Variants in CAND1 observed in about 807,000 individuals in gnomAD.
CAND1 encodes the protein cullin-associated NEDD8-dissociated protein 1.
In CAND1, 7 loss-of-function variants were observed where a neutral mutation model predicts 108.5. The observed-to-expected ratio is 0.06, with a 90% CI of 0.04 to 0.12. The LOEUF is 0.12. CAND1 is among the 10% of genes least tolerant of loss of function. The pLI is 1.00. For synonymous variants in CAND1, 534 were observed against 512.0 expected (o/e 1.04, Z -0.58); for missense variants, 941 against 1,448.7 (o/e 0.65, Z 5.69).
In CAND1 at chr12:67,309,955, T is replaced by C; in HGVS notation, c.3080T>C (p.Leu1027Ser). 4 of 1,612,786 alleles carry C rather than the reference T, an allele frequency of 2.5e-6. No homozygotes were observed. Among genetic ancestry groups the C allele is most frequent in the Non-Finnish European group, 2.5e-6 (3 of 1,179,102 alleles). Residue 1027 changes from leucine to serine, a missense_variant, in exon 12 of 15, where the codon TTG becomes TCG. By Grantham distance (145) the Leu-to-Ser change is moderately radical (BLOSUM62 -2). Transcript: ENST00000545606. ...DPDLNVRRVA[L>S]VTFNSAAHNK... ...GATTTGAATGTGAGAAGAGTAGCCTTGGTCACATTTAATTCAGCAGCACAT... is the reference window on the plus strand; with the variant it reads ...GATTTGAATGTGAGAAGAGTAGCCTCGGTCACATTTAATTCAGCAGCACAT...
intron 6 of CAND1, 62 bp from the exon 7 acceptor site, chr12:67,298,888 G>A (rs1019961087): frequency 1.1e-6 from 1 of 947,464 alleles, no homozygotes. Flanking sequence ...GCAAAATGTG[G>A]CAGGTAATGA....
Position 67,302,444 on chromosome 12 carries a change from C to G in CAND1, c.1122C>G (p.Thr374=). ...RHEMLPEFYK[T]VSPALISRFK... is the part of the protein sequence containing the mutation. ...AAATGCTTCCAGAATTCTACAAGAC[C>G]GTCTCTCCTGCACTAATATCCAGAT... Residue 374 remains threonine, a synonymous_variant, in exon 8 of 15, where the codon ACC becomes ACG. Coordinates refer to ENST00000545606, the MANE Select transcript of CAND1 (RefSeq NM_018448.5). 6.2e-7 allele frequency: 1 copy of G among 1,614,002 alleles called. No homozygotes were observed. The highest frequency in any genetic ancestry group is 8.5e-7 in the Non-Finnish European group (1 of 1,179,942).
chr12:67,292,531 C>A, intron 2 of CAND1, 91 bp from the exon 3 acceptor site: 3 of 832,752 alleles, frequency 3.6e-6, no homozygotes, highest in Non-Finnish European at 5.5e-6. Context: ...CTTGAAAGTT[C>A]TAGGCGGAAA....
intron 1 of CAND1, among the ~76,000 whole-genome samples, chr12:67,277,996 A>G (rs776875408): frequency 7.2e-5 from 11 of 152,164 alleles, no homozygotes; most frequent in Non-Finnish European, 1.6e-4. Flanking sequence ...TTTATTCCCC[A>G]TCTGTAACCC....
In CAND1 at chr12:67,294,945, GTTGTT is replaced by G; in HGVS notation, c.368-87_368-83del. The G allele has an allele frequency of 2.2e-6, 3 of 1,379,200 alleles. No individual in the cohort carries two copies. In the South Asian group the frequency reaches 3.9e-5, roughly 18 times the overall value. 85.4% of individuals were successfully genotyped at this position (1,379,200 alleles called of 1,614,324 possible). A position where few individuals can be genotyped will look rare whatever the true frequency, so the allele number is the denominator to read the frequency against. ...GTTGTGTCTCATGATCAAGTGTGGA[GTTGTT>G]AAATATTTGGTAACTACCATGAATA... On this transcript the variant is annotated intron_variant, in intron 3 of 14. Coordinates refer to ENST00000545606, the MANE Select transcript of CAND1 (RefSeq NM_018448.5).
chr12:67,301,997 A>T (rs927839930), intron 7 of CAND1, among the ~76,000 whole-genome samples: 4 of 152,218 alleles, frequency 2.6e-5, no homozygotes, highest in African/African-American at 9.7e-5. Context: ...GACTATAAAT[A>T]TTTATATTCT....
chr12:67,274,231 C>G (rs114686631), intron 1 of CAND1, among the ~76,000 whole-genome samples: 2,437 of 152,194 alleles, frequency 0.016, 54 homozygotes, highest in African/African-American at 0.056. Flanking sequence ...GCTTACTTTC[C>G]CTAAATCTAC....
chr12:67,307,474 C>G lies in CAND1; in HGVS notation c.3007C>G (p.Leu1003Val). Residue 1003 changes from leucine (L) to valine (V), a missense_variant, in exon 11 of 15, where the codon CTG (leucine) becomes GTG (valine). This residue lies in a region of CAND1 where 106 missense variants were observed against 182.0 expected (regional missense o/e 0.58). Transcript: ENST00000545606. ...TGACCATCCACAACCTATTGATCCA[C>G]TGTTAAAGAACTGCATAGGTAAGTG... ...ISDHPQPIDPLLKNCIGDFLK... is the reference protein window; with the variant it reads ...ISDHPQPIDPVLKNCIGDFLK... 1 of 1,607,990 alleles carries G rather than the reference C, an allele frequency of 6.2e-7. No individual in the cohort carries two copies. The highest frequency in any genetic ancestry group is 8.5e-7 in the Non-Finnish European group (1 of 1,176,110).
intron 7 of CAND1, 127 bp downstream of exon 7, chr12:67,299,222 T>C (rs981874425): frequency 1.1e-6 from 1 of 913,710 alleles, no homozygotes; most frequent in Admixed American, 3.4e-5. Flanking sequence ...ATGATCTCAA[T>C]ATTTGACAAC....
At position 67,297,813 on chromosome 12, in the gene CAND1, A is replaced by C. The variant is rs189782643; in HGVS notation, c.814A>C (p.Arg272=). The change falls in exon 6 of 15, where the codon AGA becomes CGA. Residue 272 remains arginine, a synonymous_variant. Coordinates refer to ENST00000545606, the MANE Select transcript of CAND1 (RefSeq NM_018448.5). The part of the protein sequence containing the change: ...KFCNVDDDEL[R]EYCIQAFESF... ...TTGCAATGTAGATGATGATGAATTA[A>C]GAGAGTACTGTATTCAAGCCTTTGA... 2.4e-5 allele frequency: 39 copies of C among 1,606,420 alleles called. No homozygotes were observed. The Admixed American group carries it at 5.5e-4, about 23-fold the overall frequency.
intron 4 of CAND1, among the ~76,000 whole-genome samples, chr12:67,296,847 G>C (rs2044774498): frequency 6.6e-6 from 1 of 152,116 alleles, no homozygotes; most frequent in Non-Finnish European, 1.5e-5. Context: ...GCCCAGGCTG[G>C]AGTGCATTGG....
rs2044798116 is a variant in CAND1, at chr12:67,299,091, T to A, written c.996T>A (p.Asp332Glu). 2.6e-6 allele frequency: 4 copies of A among 1,533,798 alleles called. No individual in the cohort carries two copies. Among genetic ancestry groups the A allele is most frequent in the Non-Finnish European group, 3.5e-6 (4 of 1,129,358 alleles). Reference sequence around the variant, plus strand: ...ATGCTGATGGTGGTGATGATGATGATCAAGGTATTGCAAATTAAATAGAAT... The same window carrying A: ...ATGCTGATGGTGGTGATGATGATGAACAAGGTATTGCAAATTAAATAGAAT... Reference protein sequence around the residue: ...AMDADGGDDDDQGSDDEYSDD... With the variant: ...AMDADGGDDDEQGSDDEYSDD... The change falls in exon 7 of 15, where the codon GAT becomes GAA. Residue 332 changes from aspartate (D) to glutamate (E), a missense_variant. By Grantham distance (45) the Asp-to-Glu change is conservative. Around this residue, in one of 9 missense-constraint regions of CAND1, gnomAD observed 697 missense variants for 942.0 expected, o/e 0.74. Coordinates refer to ENST00000545606, the MANE Select transcript of CAND1 (RefSeq NM_018448.5).
chr12:67,305,809 G>A lies in CAND1; in HGVS notation c.2141G>A (p.Ser714Asn), dbSNP rs150595099. ...ATGCATGTTTCACAAATGGCCATCA[G>A]TTTTCTTACCACTTTGGCAAAAGTA... ...SDMHVSQMAI[S>N]FLTTLAKVYP... is the part of the protein sequence containing the mutation. Residue 714 changes from serine to asparagine, a missense_variant, in exon 10 of 15, where the codon AGT (serine) becomes AAT (asparagine). This residue lies in a region of CAND1 where 697 missense variants were observed against 942.0 expected (regional missense o/e 0.74). Transcript: ENST00000545606. The surrounding 1 kb of genome is among the most constrained non-coding windows in gnomAD (Gnocchi z 4.4). 1,705 of 1,614,184 alleles carry A rather than the reference G, an allele frequency of 1.1e-3. 3 individuals carry two copies. Among genetic ancestry groups the A allele is most frequent in the Non-Finnish European group, 1.4e-3 (1,630 of 1,180,032 alleles).
intron 1 of CAND1, among the ~76,000 whole-genome samples, chr12:67,274,572 CTTGT>C (rs759084631): frequency 3.0e-4 from 45 of 152,270 alleles, no homozygotes; most frequent in Middle Eastern, 3.4e-3. Context: ...TCAGTAGGTG[CTTGT>C]TTAAGTAGAA....
intron 1 of CAND1, 43 bp from the exon 2 acceptor site, chr12:67,281,867 T>C (rs772396781): frequency 7.3e-7 from 1 of 1,372,856 alleles, no homozygotes; most frequent in Admixed American, 2.4e-5. Flanking sequence ...TTTAAATTAA[T>C]GCTTTAAAAT....
At chr12:67,292,821 G>A in intron 3 of CAND1, 45 bp downstream of exon 3, 1 of 1,591,066 alleles carries the variant, frequency 6.3e-7, no homozygotes, top group Non-Finnish European at 8.6e-7. Context: ...TTGTGTGGAG[G>A]TATTTCTCCC....
chr12:67,274,711 A>C (rs1215279445), intron 1 of CAND1, among the ~76,000 whole-genome samples: 1 of 152,242 alleles, frequency 6.6e-6, no homozygotes, highest in East Asian at 1.9e-4. Context: ...CCCATTTTGG[A>C]ATGCAAGTTT....
intron 2 of CAND1, among the ~76,000 whole-genome samples, chr12:67,288,141 T>TC (rs2044689851): frequency 6.6e-6 from 1 of 150,910 alleles, no homozygotes; most frequent in African/African-American, 2.4e-5. Context: ...TCTGAATTTT[T>TC]TTTTTTTTTT....
At chr12:67,298,678 C>T (rs1039809559) in intron 6 of CAND1, among the ~76,000 whole-genome samples, 2 of 152,006 alleles carry the variant, frequency 1.3e-5, no homozygotes, top group African/African-American at 2.4e-5. Context: ...GATTATATAC[C>T]GATTTCTGTC....
Sources: allele counts gnomAD v4.1 joint callset (sites outside exome capture counted in the v4.1 genomes callset), GRCh38; gene constraint gnomAD v4.1.1; regional missense constraint gnomAD v4.1.1; non-coding constraint Gnocchi (gnomAD v3.1); transcripts MANE v1.5; gene names NCBI Gene and HGNC (gene_info 2026-07-23, HGNC 2026-07-21).